SORCS1: variants seen among roughly 807,000 people sequenced by gnomAD.
SORCS1 encodes sortilin related VPS10 domain containing receptor 1, also known as VPS10 domain-containing receptor SorCS1.
Under a neutral mutation model 146.1 loss-of-function variants are expected in SORCS1, and 60 were observed. The observed-to-expected ratio is 0.41, with a 90% CI of 0.33 to 0.51. The LOEUF is 0.51. SORCS1 is among the 20% of genes least tolerant of loss of function. The pLI is 0.21. For missense variants in SORCS1, 1,352 were observed against 1,487.6 expected (o/e 0.91, Z 1.50); for synonymous variants, 637 against 584.0 (o/e 1.09, Z -1.31).
At position 106,667,872 on chromosome 10, in the gene SORCS1, C is replaced by T; in HGVS notation, c.2190-70G>A. ...TTACTGAAAACAATTCTACATCAGT[C>T]CACAGCCAAGTTCCACACTAATCAA... On this transcript the variant is annotated intron_variant, in intron 16 of 25. Transcript: ENST00000263054. 3 of 1,057,502 alleles carry T rather than the reference C, an allele frequency of 2.8e-6. No individual in the cohort carries two copies. The South Asian group carries it at 4.1e-5, about 14-fold the overall frequency. 65.5% of individuals were successfully genotyped at this position (1,057,502 alleles called of 1,614,324 possible).
At chr10:106,688,166 C>A in intron 10 of SORCS1, 26 bp downstream of exon 10, 1 of 1,608,498 alleles carries the variant, frequency 6.2e-7, no homozygotes. Context: ...CTGTGTGAGG[C>A]ATTCTGCTTC....
chr10:106,794,261 C>G (rs377066399), intron 3 of SORCS1, among the ~76,000 whole-genome samples: 1 of 152,096 alleles, frequency 6.6e-6, no homozygotes, highest in Non-Finnish European at 1.5e-5. Context: ...TCCAGGTTAC[C>G]ACCACCCACA....
intron 3 of SORCS1, among the ~76,000 whole-genome samples, chr10:106,804,268 T>G (rs1340547294): frequency 6.6e-6 from 1 of 151,964 alleles, no homozygotes; most frequent in East Asian, 1.9e-4. Context: ...ATTAATCTTG[T>G]GCTGCAGTGA....
In SORCS1 at chr10:106,874,669, G is replaced by A. The variant is rs904347193; in HGVS notation, c.627-44996C>T. Reference sequence around the variant, plus strand: ...TCTCCTAGCAGATGACATAAGCTGGGAGGCACATGGCTGTGCACTGGAAAC... The same window carrying A: ...TCTCCTAGCAGATGACATAAGCTGGAAGGCACATGGCTGTGCACTGGAAAC... On this transcript the variant is annotated intron_variant, in intron 2 of 25. Transcript: ENST00000263054. Among the ~76,000 whole-genome samples, 14 of 152,210 alleles carry A rather than the reference G, an allele frequency of 9.2e-5. No individual in the cohort carries two copies. In the East Asian group the frequency reaches 9.6e-4, roughly 10 times the overall value.
At position 106,778,735 on chromosome 10, in the gene SORCS1, T is replaced by C. The variant is rs1231689680; in HGVS notation, c.727-2043A>G. On this transcript the variant is annotated intron_variant, in intron 3 of 25. Coordinates refer to ENST00000263054, the MANE Select transcript of SORCS1 (RefSeq NM_052918.5). The stretch of plus-strand genomic sequence containing the variant: ...CATTTCCATGATAATATGAAGAAGC[T>C]CAATTTTATAGAACATCTATTGTCT... 4.6e-5 allele frequency among the ~76,000 whole-genome samples: 7 copies of C among 152,238 alleles called. No individual in the cohort carries two copies. In the East Asian group the frequency reaches 1.4e-3, roughly 29 times the overall value.
At chr10:106,935,630 T>C (rs1331595520) in intron 2 of SORCS1, among the ~76,000 whole-genome samples, 1 of 152,230 alleles carries the variant, frequency 6.6e-6, no homozygotes. Flanking sequence ...TGTAGAATGT[T>C]AGAGCTAGGT....
chr10:107,041,112 T>C (rs1306020089), intron 1 of SORCS1, among the ~76,000 whole-genome samples: 1 of 152,144 alleles, frequency 6.6e-6, no homozygotes, highest in East Asian at 1.9e-4. Flanking sequence ...ATCTCTAAGA[T>C]GTATTATTGC....
At chr10:106,628,939 G>A (rs759299399) in intron 19 of SORCS1, among the ~76,000 whole-genome samples, 11 of 152,142 alleles carry the variant, frequency 7.2e-5, no homozygotes, top group Non-Finnish European at 1.6e-4. Flanking sequence ...AGATTCAAGT[G>A]TCATATCTTC....
At chr10:106,630,768 T>C (rs1848395981) in intron 18 of SORCS1, among the ~76,000 whole-genome samples, 1 of 152,140 alleles carries the variant, frequency 6.6e-6, no homozygotes, top group South Asian at 2.1e-4. Flanking sequence ...CCTTTAAAGC[T>C]TAATTGAAAT....
chr10:106,789,641 T>G (rs1174930038), intron 3 of SORCS1, among the ~76,000 whole-genome samples: 2 of 152,360 alleles, frequency 1.3e-5, no homozygotes, highest in East Asian at 3.9e-4. Flanking sequence ...CTAATCAGCA[T>G]TTTGGTCAAA....
chr10:106,879,175 C>G (rs947656519), intron 2 of SORCS1, among the ~76,000 whole-genome samples: 39 of 150,508 alleles, frequency 2.6e-4, no homozygotes, highest in African/African-American at 9.3e-4. Flanking sequence ...TCATTGATAA[C>G]TTACCAAGAG....
At chr10:106,898,680 G>A (rs934998427) in intron 2 of SORCS1, among the ~76,000 whole-genome samples, 2 of 152,154 alleles carry the variant, frequency 1.3e-5, no homozygotes, top group African/African-American at 4.8e-5. Context: ...GTGGGGGAGT[G>A]GAAGACACAG....
intron 17 of SORCS1, 94 bp from the exon 18 acceptor site, chr10:106,652,647 C>T: frequency 1.4e-6 from 2 of 1,398,482 alleles, no homozygotes; most frequent in East Asian, 2.3e-5. Flanking sequence ...GCCCTGAGGA[C>T]CATCAGTAAG....
intron 8 of SORCS1, among the ~76,000 whole-genome samples, chr10:106,703,641 T>C (rs1288460927): frequency 6.6e-6 from 1 of 152,206 alleles, no homozygotes; most frequent in Non-Finnish European, 1.5e-5. Context: ...ACAATGGTAG[T>C]GGGTGATTAA....
At chr10:106,927,153 C>T (rs1249182608) in intron 2 of SORCS1, among the ~76,000 whole-genome samples, 2 of 152,116 alleles carry the variant, frequency 1.3e-5, no homozygotes, top group Non-Finnish European at 2.9e-5. Flanking sequence ...GCTTCTTGGT[C>T]TCACTGACTT....
intron 1 of SORCS1, among the ~76,000 whole-genome samples, chr10:107,047,841 G>A (rs1411027993): frequency 6.6e-6 from 1 of 152,118 alleles, no homozygotes; most frequent in African/African-American, 2.4e-5. Context: ...AGCACTTTGG[G>A]AGGCAGAGGC....
intron 7 of SORCS1, among the ~76,000 whole-genome samples, chr10:106,707,448 G>A (rs1023368935): frequency 2.6e-5 from 4 of 152,006 alleles, no homozygotes; most frequent in South Asian, 4.2e-4. Context: ...TGATCTGCCC[G>A]CCTCGGCCTC....
At chr10:106,950,369 A>C (rs10786998) in intron 2 of SORCS1, among the ~76,000 whole-genome samples, 70,411 of 152,014 alleles carry the variant, frequency 0.46, 18,221 homozygotes, top group Non-Finnish European at 0.58. Flanking sequence ...TGGCCTCTTG[A>C]CTACCCTACC....
At chr10:107,102,072 T>C (rs555014095) in intron 1 of SORCS1, among the ~76,000 whole-genome samples, 4 of 152,294 alleles carry the variant, frequency 2.6e-5, no homozygotes, top group South Asian at 2.1e-4. Flanking sequence ...TATGAAACGA[T>C]TTCTATCTTG....
Sources: allele counts gnomAD v4.1 joint callset (sites outside exome capture counted in the v4.1 genomes callset), GRCh38; gene constraint gnomAD v4.1.1; transcripts MANE v1.5; gene names NCBI Gene and HGNC (gene_info 2026-07-23, HGNC 2026-07-21).